FERRY3: variants seen among roughly 807,000 people sequenced by gnomAD.
FERRY3 encodes FERRY endosomal RAB5 effector complex subunit 3.
chr12:4,534,068 T>C, the FERRY3 span: 10 of 1,366,054 alleles, frequency 7.3e-6, no homozygotes, highest in Non-Finnish European at 9.9e-6. Flanking sequence ...AAGGATCTTA[T>C]AACGATTTCA....
At chr12:4,512,002 TAAAG>T in the FERRY3 span, among the ~76,000 whole-genome samples, 11 of 108,758 alleles carry the variant, frequency 1.0e-4, no homozygotes, top group South Asian at 3.5e-4. Context: ...GCAAGACTAA[TAAAG>T]AAAAAAAGAG....
At chr12:4,513,920 T>C in the FERRY3 span, among the ~76,000 whole-genome samples, 1 of 151,944 alleles carries the variant, frequency 6.6e-6, no homozygotes, top group African/African-American at 2.4e-5. Context: ...AAAGAGCTTC[T>C]GCACAGCAAA....
the FERRY3 span, chr12:4,518,014 C>T: frequency 8.1e-5 from 124 of 1,537,832 alleles, no homozygotes; most frequent in Non-Finnish European, 1.0e-4. Context: ...AATGGTGTTA[C>T]AGGATGAAAT....
At chr12:4,490,025 A>G in the FERRY3 span, 12 of 613,386 alleles carry the variant, frequency 2.0e-5, no homozygotes, top group South Asian at 2.6e-4. Flanking sequence ...GGTGAAAATT[A>G]TCTTTCATGG....
chr12:4,531,908 C>CTT, the FERRY3 span, among the ~76,000 whole-genome samples: 3 of 152,094 alleles, frequency 2.0e-5, no homozygotes, highest in African/African-American at 7.2e-5. Flanking sequence ...ACTCTACAAT[C>CTT]TTTACTGTGG....
At chr12:4,510,103 A>C in the FERRY3 span, among the ~76,000 whole-genome samples, 398 of 140,748 alleles carry the variant, frequency 2.8e-3, 2 homozygotes, top group Non-Finnish European at 4.8e-3. Flanking sequence ...AGAATGCAGA[A>C]GCCTCAGGAG....
chr12:4,529,986 T>C, the FERRY3 span: 2 of 1,613,624 alleles, frequency 1.2e-6, no homozygotes, highest in South Asian at 2.2e-5. Flanking sequence ...AATTAAGTCA[T>C]GGTACACATC....
the FERRY3 span, among the ~76,000 whole-genome samples, chr12:4,528,263 G>GA: frequency 5.9e-5 from 9 of 152,188 alleles, no homozygotes; most frequent in South Asian, 2.1e-4. Flanking sequence ...GGCCTAGGAG[G>GA]AAAAATCAAA....
the FERRY3 span, among the ~76,000 whole-genome samples, chr12:4,495,935 G>A: frequency 8.6e-5 from 13 of 152,026 alleles, no homozygotes; most frequent in Non-Finnish European, 1.5e-4. Context: ...TTGAAGTGAC[G>A]GACATATTTT....
the FERRY3 span, among the ~76,000 whole-genome samples, chr12:4,526,895 T>C: frequency 1.7e-4 from 26 of 151,920 alleles, no homozygotes; most frequent in Non-Finnish European, 3.2e-4. Flanking sequence ...TTAAGATATA[T>C]ATATATGATA....
chr12:4,502,685 T>C, the FERRY3 span, among the ~76,000 whole-genome samples: 2 of 152,232 alleles, frequency 1.3e-5, no homozygotes, highest in Admixed American at 6.5e-5. The surrounding 1 kb of genome is among the most constrained non-coding windows in gnomAD (Gnocchi z 4.2). Context: ...ACATACAGTA[T>C]ACTTAAAATA....
chr12:4,519,666 G>A, the FERRY3 span, among the ~76,000 whole-genome samples: 16 of 152,264 alleles, frequency 1.1e-4, no homozygotes, highest in Non-Finnish European at 1.6e-4. The surrounding 1 kb of genome is among the most constrained non-coding windows in gnomAD (Gnocchi z 4.3). Flanking sequence ...CCAATTCCCC[G>A]TACAGGCCTG....
At chr12:4,490,418 C>T in the FERRY3 span, 72 of 833,550 alleles carry the variant, frequency 8.6e-5, no homozygotes, top group Non-Finnish European at 1.2e-4. Context: ...AGCGATTAGC[C>T]TTTTGTGTTG....
the FERRY3 span, among the ~76,000 whole-genome samples, chr12:4,499,950 G>C: frequency 2.0e-4 from 31 of 152,194 alleles, no homozygotes; most frequent in Non-Finnish European, 4.0e-4. Flanking sequence ...ATAGCTCTCT[G>C]AACATAAATG....
chr12:4,530,118 AGTAT>A, the FERRY3 span: 487 of 1,429,140 alleles, frequency 3.4e-4, 3 homozygotes, highest in African/African-American at 6.5e-3. Context: ...CTACTAGAAA[AGTAT>A]GTATGATTCC....
At chr12:4,514,175 C>T in the FERRY3 span, among the ~76,000 whole-genome samples, 1 of 151,356 alleles carries the variant, frequency 6.6e-6, no homozygotes, top group African/African-American at 2.4e-5. Context: ...CAGAGAAATG[C>T]AAATCAAAAC....
the FERRY3 span, among the ~76,000 whole-genome samples, chr12:4,533,843 T>C: frequency 6.6e-6 from 1 of 152,194 alleles, no homozygotes; most frequent in African/African-American, 2.4e-5. Context: ...GTTGATATAC[T>C]AAAAAATATT....
At chr12:4,506,923 A>G in the FERRY3 span, among the ~76,000 whole-genome samples, 1 of 152,158 alleles carries the variant, frequency 6.6e-6, no homozygotes, top group Non-Finnish European at 1.5e-5. Context: ...GTATTTTCAC[A>G]AAGTCCTTCT....
chr12:4,537,854 C>T, the FERRY3 span, among the ~76,000 whole-genome samples: 1 of 152,132 alleles, frequency 6.6e-6, no homozygotes, highest in Non-Finnish European at 1.5e-5. Context: ...AATACACACA[C>T]ACGCATATGT....
Sources: allele counts gnomAD v4.1 joint callset (sites outside exome capture counted in the v4.1 genomes callset), GRCh38; gene constraint gnomAD v4.1.1; non-coding constraint Gnocchi (gnomAD v3.1); transcripts MANE v1.5; gene names NCBI Gene and HGNC (gene_info 2026-07-23, HGNC 2026-07-21).